IGF1R: variants seen among roughly 807,000 people sequenced by gnomAD.
IGF1R encodes insulin-like growth factor 1 receptor.
In IGF1R, 44 loss-of-function variants were observed where a neutral mutation model predicts 144.6. The observed-to-expected ratio is 0.30, with a 90% CI of 0.24 to 0.39. The LOEUF (loss-of-function observed/expected upper bound fraction) is 0.39. IGF1R is among the 10% of genes least tolerant of loss of function. The pLI is 1.00. For synonymous variants in IGF1R, 795 were observed against 722.8 expected (o/e 1.10, Z -1.60); for missense variants, 1,355 against 1,833.7 (o/e 0.74, Z 4.77).
intron 2 of IGF1R, among the ~76,000 whole-genome samples, chr15:98,712,486 G>A (rs988118357): frequency 7.9e-5 from 12 of 151,932 alleles, no homozygotes; most frequent in African/African-American, 2.4e-4. Context: ...TTTCCCTCCC[G>A]AATGGAATGG....
In IGF1R at chr15:98,780,572, AAAAGAG is replaced by A. The variant is rs1381935225; in HGVS notation, c.640+72467_640+72472del. Reference sequence around the variant, plus strand: ...CTCAAAAAAAAAAAAAAAAAAAAAAAAAAGAGAGAGAGAGTAAATAAAATTGTAAGG... The same window carrying A: ...CTCAAAAAAAAAAAAAAAAAAAAAAAAGAGAGAGTAAATAAAATTGTAAGG... On this transcript the variant is annotated intron_variant, in intron 2 of 20. Transcript: ENST00000650285. Among the ~76,000 whole-genome samples, 17 of 78,518 alleles carry A rather than the reference AAAAGAG, an allele frequency of 2.2e-4. 2 individuals are homozygous for A. The highest frequency in any genetic ancestry group is 6.4e-4 in the African/African-American group (17 of 26,358). 51.5% of individuals were successfully genotyped at this position (78,518 alleles called of 152,430 possible). A position where few individuals can be genotyped will look rare whatever the true frequency, so the allele number is the denominator to read the frequency against.
chr15:98,663,301 A>C (rs1474079805), intron 1 of IGF1R, among the ~76,000 whole-genome samples: 1 of 152,118 alleles, frequency 6.6e-6, no homozygotes, highest in Non-Finnish European at 1.5e-5. Flanking sequence ...GCGGTAGCAC[A>C]GGGCAGCTCC....
At chr15:98,720,884 G>A (rs2054230725) in intron 2 of IGF1R, among the ~76,000 whole-genome samples, 1 of 152,182 alleles carries the variant, frequency 6.6e-6, no homozygotes, top group Non-Finnish European at 1.5e-5. Context: ...AATCTGAGCA[G>A]CCCGATAGCC....
chr15:98,851,334 G>C (rs1014368444), intron 2 of IGF1R, among the ~76,000 whole-genome samples: 1 of 152,206 alleles, frequency 6.6e-6, no homozygotes. Context: ...TTTGCACCCT[G>C]TTGCTTCCTG....
At chr15:98,802,752 G>GCC (rs2056388646) in intron 2 of IGF1R, among the ~76,000 whole-genome samples, 1 of 152,150 alleles carries the variant, frequency 6.6e-6, no homozygotes, top group South Asian at 2.1e-4. Flanking sequence ...ACTTCTCAAA[G>GCC]CACAAGATAT....
chr15:98,730,013 C>T (rs1380667730), intron 2 of IGF1R, among the ~76,000 whole-genome samples: 2 of 152,152 alleles, frequency 1.3e-5, no homozygotes, highest in South Asian at 4.1e-4. Flanking sequence ...CAGTTAAAAG[C>T]AGAATTTGTG....
chr15:98,701,009 A>C (rs1194245825), intron 1 of IGF1R, among the ~76,000 whole-genome samples: 1 of 151,774 alleles, frequency 6.6e-6, no homozygotes, highest in Admixed American at 6.6e-5. Context: ...TCCTCTCCTA[A>C]CCTCTTAAAT....
At chr15:98,927,242 A>T (rs1182764375) in intron 13 of IGF1R, among the ~76,000 whole-genome samples, 1 of 152,104 alleles carries the variant, frequency 6.6e-6, no homozygotes, top group African/African-American at 2.4e-5. Context: ...ATTTTTCCTT[A>T]TGTCAGACAA....
intron 2 of IGF1R, among the ~76,000 whole-genome samples, chr15:98,825,912 C>T (rs1386505756): frequency 6.6e-6 from 1 of 152,124 alleles, no homozygotes; most frequent in African/African-American, 2.4e-5. Context: ...ATACTGATCA[C>T]CCCTATGGGT....
intron 2 of IGF1R, chr15:98,820,892 C>T (rs1208391941): frequency 6.6e-6 from 1 of 152,196 alleles, no homozygotes; most frequent in African/African-American, 2.4e-5. Context: ...TTAAGTATCG[C>T]AAGGCCCCAG....
rs1203161680 is a variant in IGF1R, at chr15:98,964,262, T to TA, written c.*6824dup. 8.6e-6 allele frequency: 2 copies of TA among 232,464 alleles called. No individual in the cohort carries two copies. Among genetic ancestry groups the TA allele is most frequent in the Non-Finnish European group, 1.7e-5 (2 of 117,500 alleles). 14.4% of individuals were successfully genotyped at this position (232,464 alleles called of 1,614,324 possible). A position where few individuals can be genotyped will look rare whatever the true frequency, so the allele number is the denominator to read the frequency against. On this transcript the variant is annotated 3_prime_UTR_variant, in exon 21 of 21. Coordinates refer to ENST00000650285, the MANE Select transcript of IGF1R (RefSeq NM_000875.5). ...GTAATAACATGGCCAATTTGTTACA[T>TA]AAAATGACTTTCTGTGTATAAATTA...
chr15:98,822,309 CTT>C (rs770633363), intron 2 of IGF1R, among the ~76,000 whole-genome samples: 2 of 152,132 alleles, frequency 1.3e-5, no homozygotes, highest in African/African-American at 4.8e-5. Context: ...ATACTCATCT[CTT>C]TGTGTTGTCT....
rs2017185006 is a variant in IGF1R, at chr15:98,960,612, G to C, written c.*3170G>C. 1 of 233,468 alleles carries C rather than the reference G, an allele frequency of 4.3e-6. No individual in the cohort carries two copies. The highest frequency in any genetic ancestry group is 5.6e-5 in the Admixed American group (1 of 17,798). 14.5% of individuals were successfully genotyped at this position (233,468 alleles called of 1,614,324 possible). On this transcript the variant is annotated 3_prime_UTR_variant, in exon 21 of 21. Transcript: ENST00000650285. ...CCTTGCTGCTGCTCCATCCCTGCAG[G>C]AGGCTCGCGCTGAGGCAGGACCGTG...
Position 98,929,671 on chromosome 15 carries a change from T to G in IGF1R, c.2885+11T>G, listed in dbSNP as rs1465776863. 6.5e-7 allele frequency: 1 copy of G among 1,549,338 alleles called. No homozygotes were observed. Among genetic ancestry groups the G allele is most frequent in the Non-Finnish European group, 8.9e-7 (1 of 1,120,958 alleles). ...CTTCCATAGAAAGAGGTCAGTGATG[T>G]GCAAAGTTATGACACTTTCTGTGGC... is the stretch of plus-strand genomic sequence containing the variant. On this transcript the variant is annotated intron_variant, in intron 14 of 20. Coordinates refer to ENST00000650285, the MANE Select transcript of IGF1R (RefSeq NM_000875.5).
chr15:98,902,419 T>C (rs1366225712), intron 5 of IGF1R, among the ~76,000 whole-genome samples: 2 of 148,950 alleles, frequency 1.3e-5, no homozygotes, highest in Admixed American at 6.7e-5. Flanking sequence ...CTTGAACTTT[T>C]TTTTTTTTTT....
intron 5 of IGF1R, 64 bp from the exon 6 acceptor site, chr15:98,908,621 C>A: frequency 7.9e-7 from 1 of 1,262,436 alleles, no homozygotes; most frequent in Non-Finnish European, 1.1e-6. Flanking sequence ...TGTTACGTGG[C>A]CAGCAGGCTA....
At chr15:98,858,798 A>C (rs1335368772) in intron 2 of IGF1R, among the ~76,000 whole-genome samples, 1 of 152,072 alleles carries the variant, frequency 6.6e-6, no homozygotes, top group Non-Finnish European at 1.5e-5. Context: ...CCTTATCAGC[A>C]CCCTGCTTTT....
chr15:98,785,137 A>G (rs185932604), intron 2 of IGF1R, among the ~76,000 whole-genome samples: 263 of 152,364 alleles, frequency 1.7e-3, no homozygotes, highest in Non-Finnish European at 3.2e-3. Context: ...TGCAACTGGA[A>G]TTTGACTTGA....
chr15:98,660,695 A>G (rs2052579067), intron 1 of IGF1R: 1 of 152,218 alleles, frequency 6.6e-6, no homozygotes, highest in Admixed American at 6.5e-5. Flanking sequence ...CTTTTTGCAC[A>G]TTGAGGTGAA....
Sources: allele counts gnomAD v4.1 joint callset (sites outside exome capture counted in the v4.1 genomes callset), GRCh38; gene constraint gnomAD v4.1.1; transcripts MANE v1.5; gene names NCBI Gene and HGNC (gene_info 2026-07-23, HGNC 2026-07-21).